The following RSPH14 variants were observed in gnomAD, a reference collection of about 807,000 sequenced individuals.
RSPH14 encodes the protein rhabdoid tumor deletion region gene 1.
In RSPH14, 20 loss-of-function variants were observed where a neutral mutation model predicts 26.7. That is an observed-to-expected ratio of 0.75 (90% CI 0.53 to 1.09). The LOEUF is 1.09. RSPH14 is among the 50% of genes least tolerant of loss of function. RSPH14 has a pLI of 0.00. For missense variants in RSPH14, 449 were observed against 457.2 expected (o/e 0.98, Z 0.16); for synonymous variants, 177 against 189.3 (o/e 0.93, Z 0.53).
chr22:23,124,415 T>C (rs998519344), intron 4 of RSPH14: 8 of 469,822 alleles, frequency 1.7e-5, no homozygotes, highest in Non-Finnish European at 2.7e-5. Flanking sequence ...AATTTTGGAG[T>C]GAGTGGCAGT....
At chr22:23,130,533 A>G (rs966131969) in intron 4 of RSPH14, among the ~76,000 whole-genome samples, 2 of 85,376 alleles carry the variant, frequency 2.3e-5, no homozygotes, top group Non-Finnish European at 5.3e-5. Flanking sequence ...AGAAAGAAAG[A>G]GAAAGAAGGA....
chr22:23,122,902 G>A (rs749604230), intron 4 of RSPH14, among the ~76,000 whole-genome samples: 3 of 152,208 alleles, frequency 2.0e-5, no homozygotes, highest in Non-Finnish European at 2.9e-5. Context: ...GGGTGCTGCC[G>A]GCTATTTCCG....
chr22:23,061,699 T>TC (rs1569151441), intron 6 of RSPH14, 110 bp downstream of exon 6: 2 of 1,377,238 alleles, frequency 1.5e-6, no homozygotes, highest in African/African-American at 1.5e-5. Context: ...TTTTTTTTTT[T>TC]GCAAAGTGTG....
At chr22:23,112,604 A>T (rs1601823690) in intron 4 of RSPH14, among the ~76,000 whole-genome samples, 1 of 151,530 alleles carries the variant, frequency 6.6e-6, no homozygotes, top group South Asian at 2.1e-4. Context: ...TGGCAGGGAG[A>T]CCCCCTTCTC....
At chr22:23,177,967 T>C in the RSPH14 span, among the ~76,000 whole-genome samples, 1 of 152,156 alleles carries the variant, frequency 6.6e-6, no homozygotes, top group Admixed American at 6.5e-5. Flanking sequence ...GCCAGGCTAA[T>C]TTTTAAATTT....
chr22:23,069,860 T>G (rs1248021067), intron 4 of RSPH14, among the ~76,000 whole-genome samples: 1 of 152,154 alleles, frequency 6.6e-6, no homozygotes, highest in East Asian at 1.9e-4. Flanking sequence ...CTAGCCCCAC[T>G]TTGCAAACAG....
Position 23,131,488 on chromosome 22 carries a change from T to C in RSPH14, c.421+2538A>G, listed in dbSNP as rs2070359196. On this transcript the variant is annotated intron_variant, in intron 4 of 6. Coordinates refer to ENST00000216036, the MANE Select transcript of RSPH14 (RefSeq NM_014433.3). Reference sequence around the variant, plus strand: ...AAAAATTTCAAGCAAGTATAAAATATGGATATAGAATGTAAAGATTTGGCA... The same window carrying C: ...AAAAATTTCAAGCAAGTATAAAATACGGATATAGAATGTAAAGATTTGGCA... The C allele has an allele frequency of 5.2e-5, 29 of 558,310 alleles. No homozygotes were observed. The South Asian group carries it at 5.3e-4, about 10-fold the overall frequency. 34.6% of individuals were successfully genotyped at this position (558,310 alleles called of 1,614,324 possible). A position where few individuals can be genotyped will look rare whatever the true frequency, so the allele number is the denominator to read the frequency against.
At chr22:23,068,327 G>T (rs1369302847) in intron 4 of RSPH14, among the ~76,000 whole-genome samples, 2 of 152,256 alleles carry the variant, frequency 1.3e-5, no homozygotes, top group African/African-American at 4.8e-5. Context: ...CAGAGCCCCA[G>T]TGGGTCTCCT....
the RSPH14 span, chr22:23,156,136 G>A: frequency 1.5e-6 from 1 of 680,744 alleles, no homozygotes; most frequent in Non-Finnish European, 2.2e-6. Context: ...CCAGTTTTTT[G>A]TCCTCCAAGA....
intron 4 of RSPH14, among the ~76,000 whole-genome samples, chr22:23,130,531 A>AGAAAGAAAGAAAGAAAGAAAGAAAGAAG: frequency 8.1e-6 from 1 of 122,932 alleles, no homozygotes; most frequent in Middle Eastern, 4.0e-3. Flanking sequence ...AAAGAAAGAA[A>AGAAAGAAAGAAAGAAAGAAAGAAAGAAG]GAGAAAGAAG....
chr22:23,102,605 C>T (rs6003506), intron 4 of RSPH14, among the ~76,000 whole-genome samples: 15,783 of 152,268 alleles, frequency 0.1, 2,614 homozygotes, highest in African/African-American at 0.35. Context: ...CTTGGGCTGC[C>T]CCCACACCTG....
At chr22:23,167,007 G>A in the RSPH14 span, among the ~76,000 whole-genome samples, 3 of 152,116 alleles carry the variant, frequency 2.0e-5, no homozygotes, top group East Asian at 1.9e-4. Flanking sequence ...TACCACCCCC[G>A]CCCTGTCCCC....
Position 23,139,085 on chromosome 22 carries a change from T to A in RSPH14, c.200-143A>T, listed in dbSNP as rs571927700. 116 of 634,622 alleles carry A rather than the reference T, an allele frequency of 1.8e-4. No individual in the cohort carries two copies. The East Asian group carries it at 2.9e-3, about 16-fold the overall frequency. 39.3% of individuals were successfully genotyped at this position (634,622 alleles called of 1,614,324 possible). A position where few individuals can be genotyped will look rare whatever the true frequency, so the allele number is the denominator to read the frequency against. ...GCTGCTTTGGGGCACTGGGGAATCA[T>A]GTTGGTTATGCAGCATTTCAGAGTC... On this transcript the variant is annotated intron_variant, in intron 2 of 6. Transcript: ENST00000216036.
intron 4 of RSPH14, among the ~76,000 whole-genome samples, chr22:23,069,268 A>T (rs1253090493): frequency 4.6e-5 from 7 of 152,118 alleles, no homozygotes; most frequent in Non-Finnish European, 1.0e-4. Context: ...CATGATCCAC[A>T]CCTTACAAAG....
chr22:23,073,588 C>T (rs2068429446), intron 4 of RSPH14, among the ~76,000 whole-genome samples: 1 of 152,244 alleles, frequency 6.6e-6, no homozygotes, highest in Non-Finnish European at 1.5e-5. Context: ...CAGCCCCTGC[C>T]ACACATTTTG....
intron 4 of RSPH14, among the ~76,000 whole-genome samples, chr22:23,072,577 G>A (rs969920424): frequency 1.3e-5 from 2 of 152,192 alleles, no homozygotes; most frequent in African/African-American, 4.8e-5. Flanking sequence ...TTTGTAGTGT[G>A]CCTACCCTCC....
intron 4 of RSPH14, chr22:23,124,398 C>T (rs2070119072): frequency 2.1e-6 from 1 of 469,838 alleles, no homozygotes; most frequent in African/African-American, 2.0e-5. Flanking sequence ...TCTCTCTGCT[C>T]CAAAGAAATT....
At chr22:23,174,943 G>A in the RSPH14 span, among the ~76,000 whole-genome samples, 2 of 151,460 alleles carry the variant, frequency 1.3e-5, no homozygotes, top group African/African-American at 2.4e-5. Flanking sequence ...CTGCAGCCTG[G>A]GCAACAAGAG....
At chr22:23,099,104 G>A (rs2069215182) in intron 4 of RSPH14, among the ~76,000 whole-genome samples, 1 of 152,212 alleles carries the variant, frequency 6.6e-6, no homozygotes, top group Non-Finnish European at 1.5e-5. Flanking sequence ...CCCTGATGCT[G>A]GCAGTGCCTC....
Sources: allele counts gnomAD v4.1 joint callset (sites outside exome capture counted in the v4.1 genomes callset), GRCh38; gene constraint gnomAD v4.1.1; transcripts MANE v1.5; gene names NCBI Gene and HGNC (gene_info 2026-07-23, HGNC 2026-07-21).